The following TSGA10 variants were observed in gnomAD, a reference collection of about 807,000 sequenced individuals.
TSGA10 encodes the protein testis specific 10.
A neutral mutation model predicts 96.6 loss-of-function variants in TSGA10; 43 were observed. The ratio of observed to expected loss-of-function variants is 0.44; its 90% CI spans 0.35 to 0.57. The LOEUF (loss-of-function observed/expected upper bound fraction) is 0.57. Ranked by LOEUF, TSGA10 falls within the 20% of genes least tolerant of loss-of-function variation. The pLI is 0.01. For missense variants in TSGA10, 703 were observed against 834.4 expected (o/e 0.84, Z 1.94); for synonymous variants, 229 against 269.9 (o/e 0.85, Z 1.48).
At chr2:99,010,906 A>C (rs1340312981) in intron 20 of TSGA10, among the ~76,000 whole-genome samples, 1 of 152,150 alleles carries the variant, frequency 6.6e-6, no homozygotes, top group East Asian at 1.9e-4. Context: ...TGGCCTTGCC[A>C]ACTACATGGG....
intron 14 of TSGA10, among the ~76,000 whole-genome samples, chr2:99,071,382 T>A (rs1166457149): frequency 4.6e-5 from 6 of 131,234 alleles, no homozygotes; most frequent in Non-Finnish European, 7.8e-5. Context: ...GTCCATTTTT[T>A]TAAAAAAAAA....
At chr2:99,076,263 TTC>T (rs1366547668) in intron 12 of TSGA10, among the ~76,000 whole-genome samples, 1 of 152,190 alleles carries the variant, frequency 6.6e-6, no homozygotes, top group Non-Finnish European at 1.5e-5. Context: ...AGAGACCTAT[TTC>T]TCTCACTGAT....
chr2:99,047,036 C>A (rs1348532097), intron 16 of TSGA10, among the ~76,000 whole-genome samples: 7 of 152,100 alleles, frequency 4.6e-5, no homozygotes, highest in Non-Finnish European at 1.0e-4. Context: ...GAAGTTGAAT[C>A]CCTGAATAGA....
intron 17 of TSGA10, among the ~76,000 whole-genome samples, chr2:99,027,579 T>C (rs1047362967): frequency 1.3e-5 from 2 of 152,342 alleles, no homozygotes; most frequent in South Asian, 4.1e-4. Context: ...TTGATTGATA[T>C]GTTATTAGCT....
intron 4 of TSGA10, among the ~76,000 whole-genome samples, chr2:99,113,550 T>C (rs749314153): frequency 4.6e-5 from 7 of 152,124 alleles, no homozygotes; most frequent in African/African-American, 7.2e-5. Flanking sequence ...TCAGCTTTTT[T>C]GTTGTTGTTT....
At chr2:99,106,969 C>T (rs2091413856) in intron 7 of TSGA10, among the ~76,000 whole-genome samples, 1 of 152,224 alleles carries the variant, frequency 6.6e-6, no homozygotes, top group African/African-American at 2.4e-5. Context: ...ACTCTTGCCT[C>T]TCTCTACTCC....
At chr2:99,011,670 ATGTGTGTGTGCAAGTG>A (rs1371576139) in intron 20 of TSGA10, among the ~76,000 whole-genome samples, 2 of 152,122 alleles carry the variant, frequency 1.3e-5, no homozygotes, top group Non-Finnish European at 2.9e-5. Flanking sequence ...CTCTGCAAGT[ATGTGTGTGTGCAAGTG>A]TGTGTGTGTC....
chr2:99,147,653 C>T (rs184047453), intron 1 of TSGA10, among the ~76,000 whole-genome samples: 1 of 151,960 alleles, frequency 6.6e-6, no homozygotes, highest in Non-Finnish European at 1.5e-5. Context: ...TTTTTTAAAA[C>T]GTTTTTTCAA....
intron 16 of TSGA10, among the ~76,000 whole-genome samples, chr2:99,053,309 A>T (rs1442045580): frequency 6.6e-6 from 1 of 151,996 alleles, no homozygotes; most frequent in Non-Finnish European, 1.5e-5. Context: ...TCTACAAGGG[A>T]ACTACATGCC....
intron 9 of TSGA10, among the ~76,000 whole-genome samples, chr2:99,104,543 C>G (rs929956144): frequency 6.6e-6 from 1 of 151,738 alleles, no homozygotes; most frequent in East Asian, 1.9e-4. Flanking sequence ...GGCGCGATCT[C>G]GGCTCACTGC....
Position 99,105,619 on chromosome 2 carries a change from T to C in TSGA10, c.289A>G (p.Ile97Val), listed in dbSNP as rs772689364. 21 of 1,609,836 alleles carry C rather than the reference T, an allele frequency of 1.3e-5. No individual in the cohort carries two copies. Among genetic ancestry groups the C allele is most frequent in the East Asian group, 4.5e-5 (2 of 44,690 alleles). ...CTTTCAGTCTCCACTCGCCGGAGAA[T>C]AGCATGTGCCGTTGTTGATTTAGGA... ...KSPKSTTAHAILRRVETERDV... is the reference protein window; with the variant it reads ...KSPKSTTAHAVLRRVETERDV... The change falls in exon 8 of 21, where the codon ATT becomes GTT. Residue 97 changes from isoleucine (I) to valine (V), a missense_variant. Physicochemically the swap from Ile to Val is conservative, Grantham distance 29 (BLOSUM62 3). Coordinates refer to ENST00000393483, the MANE Select transcript of TSGA10 (RefSeq NM_025244.4).
intron 17 of TSGA10, among the ~76,000 whole-genome samples, chr2:99,033,324 C>T (rs1020768080): frequency 6.6e-6 from 1 of 152,200 alleles, no homozygotes; most frequent in South Asian, 2.1e-4. Context: ...AACACGTCTT[C>T]TCTTATATAC....
chr2:99,039,331 A>T (rs1348855249), intron 16 of TSGA10, among the ~76,000 whole-genome samples: 1 of 151,696 alleles, frequency 6.6e-6, no homozygotes, highest in Non-Finnish European at 1.5e-5. Flanking sequence ...ACCACTACAA[A>T]AGATAAAAGA....
chr2:99,046,439 C>T (rs552701096), intron 16 of TSGA10, among the ~76,000 whole-genome samples: 1 of 152,284 alleles, frequency 6.6e-6, no homozygotes, highest in South Asian at 2.1e-4. Flanking sequence ...CACTCAACTA[C>T]ATGGAAACTG....
chr2:99,100,053 T>C (rs1243254278), intron 10 of TSGA10, among the ~76,000 whole-genome samples: 1 of 152,130 alleles, frequency 6.6e-6, no homozygotes, highest in Admixed American at 6.5e-5. Flanking sequence ...AGATATACAA[T>C]GCTTATGGTG....
At position 99,069,002 on chromosome 2, in the gene TSGA10, C is replaced by A. The variant is rs766342232; in HGVS notation, c.1108-4G>T. The A allele has an allele frequency of 7.2e-6, 10 of 1,398,050 alleles. No homozygotes were observed. In the South Asian group the frequency reaches 9.0e-5, roughly 13 times the overall value. 86.6% of individuals were successfully genotyped at this position (1,398,050 alleles called of 1,614,324 possible). On this transcript the variant is annotated splice_polypyrimidine_tract_variant and splice_region_variant and intron_variant, in intron 14 of 20. Transcript: ENST00000393483. ...CATTCAATTTTTTGGACAGTGCCTA[C>A]GAAAAAAAGATAGGTATATTTGACT...
chr2:99,154,846 C>T lies in TSGA10; in HGVS notation c.-774G>A, dbSNP rs2093732402. Reference sequence around the variant, plus strand: ...CCTGAAGGACCCTTACTTAGCACTCCTGCGGGCTGCCGGGACCCCACGGCT... The same window carrying T: ...CCTGAAGGACCCTTACTTAGCACTCTTGCGGGCTGCCGGGACCCCACGGCT... On this transcript the variant is annotated 5_prime_UTR_variant, in exon 1 of 21. Coordinates refer to ENST00000393483, the MANE Select transcript of TSGA10 (RefSeq NM_025244.4). 2.9e-6 allele frequency: 1 copy of T among 348,604 alleles called. No homozygotes were observed. The highest frequency in any genetic ancestry group is 5.7e-6 in the Non-Finnish European group (1 of 175,616). 21.6% of individuals were successfully genotyped at this position (348,604 alleles called of 1,614,324 possible).
intron 3 of TSGA10, among the ~76,000 whole-genome samples, chr2:99,117,982 C>G (rs1353394899): frequency 6.6e-6 from 1 of 151,914 alleles, no homozygotes; most frequent in Non-Finnish European, 1.5e-5. Flanking sequence ...TCTTTCAAGA[C>G]AATTTATAGT....
At chr2:99,065,278 G>A (rs1209208221) in intron 15 of TSGA10, among the ~76,000 whole-genome samples, 154 bp from the exon 16 acceptor site, 1 of 152,184 alleles carries the variant, frequency 6.6e-6, no homozygotes, top group African/African-American at 2.4e-5. Flanking sequence ...TAGAAAACAG[G>A]TCATCCTGTA....
Sources: gnomAD v4.1 joint callset for allele counts (sites outside exome capture counted in the v4.1 genomes callset) on GRCh38, gnomAD v4.1.1 for gene constraint, MANE v1.5 for transcripts, NCBI Gene and HGNC (gene_info 2026-07-23, HGNC 2026-07-21) for gene names.